CHRM3: variants seen among roughly 807,000 people sequenced by gnomAD.
CHRM3 encodes the protein muscarinic acetylcholine receptor M3.
A neutral mutation model predicts 41.8 loss-of-function variants in CHRM3; 11 were observed. The observed-to-expected ratio is 0.26, with a 90% confidence interval of 0.17 to 0.44. The LOEUF is 0.44. Ranked by LOEUF, CHRM3 falls within the 20% of genes least tolerant of loss-of-function variation. The pLI, the probability that CHRM3 is intolerant of heterozygous loss-of-function variation, is 1.00. For synonymous variants in CHRM3, 297 were observed against 301.4 expected (o/e 0.99, Z 0.15); for missense variants, 571 against 745.4 (o/e 0.77, Z 2.72).
intron 5 of CHRM3, among the ~76,000 whole-genome samples, chr1:239,680,054 A>G (rs1215843220): frequency 6.6e-6 from 1 of 152,058 alleles, no homozygotes; most frequent in Non-Finnish European, 1.5e-5. Context: ...CTGCCCTAAT[A>G]CCTTCCCTTC....
chr1:239,684,882 G>A (rs962061494), intron 5 of CHRM3, among the ~76,000 whole-genome samples: 1 of 152,086 alleles, frequency 6.6e-6, no homozygotes. Flanking sequence ...GGAGATTGGA[G>A]GGGAAAAGAT....
chr1:239,829,032 A>G (rs2149089232), intron 6 of CHRM3, among the ~76,000 whole-genome samples: 1 of 152,306 alleles, frequency 6.6e-6, no homozygotes, highest in East Asian at 1.9e-4. Flanking sequence ...GTGTGCAGAC[A>G]CTTGCTTTCT....
chr1:239,531,408 G>A (rs1309434614), intron 2 of CHRM3, among the ~76,000 whole-genome samples: 1 of 151,850 alleles, frequency 6.6e-6, no homozygotes, highest in East Asian at 1.9e-4. Context: ...ATCAGAATTA[G>A]AAACTTTTAA....
chr1:239,756,399 G>A (rs1666246674), intron 5 of CHRM3, among the ~76,000 whole-genome samples: 1 of 152,130 alleles, frequency 6.6e-6, no homozygotes, highest in Non-Finnish European at 1.5e-5. Flanking sequence ...TTGCATAACA[G>A]ATCATTATCT....
intron 5 of CHRM3, among the ~76,000 whole-genome samples, chr1:239,774,880 T>A (rs537892425): frequency 6.6e-6 from 1 of 152,286 alleles, no homozygotes; most frequent in African/African-American, 2.4e-5. Flanking sequence ...GGGAAAAATT[T>A]GAGGGAAGGG....
chr1:239,814,460 A>T (rs1011194430), intron 5 of CHRM3, among the ~76,000 whole-genome samples: 3 of 152,190 alleles, frequency 2.0e-5, no homozygotes. Context: ...AGAGATGTCC[A>T]GAGCTCCCTC....
chr1:239,511,769 A>G (rs1668939185), intron 2 of CHRM3, among the ~76,000 whole-genome samples: 1 of 152,218 alleles, frequency 6.6e-6, no homozygotes, highest in Non-Finnish European at 1.5e-5. Flanking sequence ...TAGAAAGGAA[A>G]CATGTTTCAC....
At chr1:239,431,397 T>C (rs959833113) in intron 1 of CHRM3, among the ~76,000 whole-genome samples, 8 of 152,218 alleles carry the variant, frequency 5.3e-5, no homozygotes, top group African/African-American at 1.9e-4. Flanking sequence ...AGGATATAAC[T>C]ACACAAGGCA....
intron 3 of CHRM3, among the ~76,000 whole-genome samples, chr1:239,570,503 T>A (rs1262656929): frequency 6.6e-6 from 1 of 152,200 alleles, no homozygotes; most frequent in Non-Finnish European, 1.5e-5. Context: ...ATGGAAAATC[T>A]CTTTCTGTTA....
intron 3 of CHRM3, among the ~76,000 whole-genome samples, chr1:239,584,063 T>C (rs934910619): frequency 4.6e-5 from 7 of 151,884 alleles, no homozygotes; most frequent in Admixed American, 4.6e-4. Flanking sequence ...CAGAACATGG[T>C]TGTATTTTTC....
intron 3 of CHRM3, among the ~76,000 whole-genome samples, chr1:239,623,539 G>C (rs1668673302): frequency 9.1e-6 from 1 of 109,996 alleles, no homozygotes; most frequent in Non-Finnish European, 1.8e-5. Context: ...GGGTACATGT[G>C]CACATTGTGC....
At chr1:239,493,558 A>G (rs930256546) in intron 2 of CHRM3, among the ~76,000 whole-genome samples, 1 of 152,212 alleles carries the variant, frequency 6.6e-6, no homozygotes, top group Non-Finnish European at 1.5e-5. Flanking sequence ...GTATTAAAAT[A>G]TATTGCATAG....
chr1:239,456,283 T>A (rs1553304841), intron 1 of CHRM3, among the ~76,000 whole-genome samples: 1 of 152,234 alleles, frequency 6.6e-6, no homozygotes, highest in South Asian at 2.1e-4. Context: ...CTTCCAATCC[T>A]GCAAGCTGCG....
chr1:239,907,796 G>C lies in CHRM3; in HGVS notation c.345G>C (p.Leu115=), dbSNP rs867335017. 1 of 1,614,098 alleles carries C rather than the reference G, an allele frequency of 6.2e-7. No individual in the cohort carries two copies. The highest frequency in any genetic ancestry group is 1.3e-5 in the African/African-American group (1 of 74,924). ...YFLLSLACAD[L]IIGVISMNLF... ...TCTTAAGCCTGGCCTGTGCCGATCTGATTATCGGGGTCATTTCAATGAATC... is the reference window on the plus strand; with the variant it reads ...TCTTAAGCCTGGCCTGTGCCGATCTCATTATCGGGGTCATTTCAATGAATC... Residue 115 remains leucine (L), a synonymous_variant, in exon 7 of 7, where the codon CTG becomes CTC. Transcript: ENST00000676153. This position sits in a 1 kb window ranked among gnomAD's most constrained non-coding sequence, Gnocchi z 5.4.
chr1:239,425,243 T>C (rs1662275546), intron 1 of CHRM3, among the ~76,000 whole-genome samples: 1 of 152,186 alleles, frequency 6.6e-6, no homozygotes, highest in Non-Finnish European at 1.5e-5. Context: ...CCTATGCTCA[T>C]TGACATCTCT....
At chr1:239,563,210 A>ACC (rs1661046970) in intron 3 of CHRM3, among the ~76,000 whole-genome samples, 3 of 150,680 alleles carry the variant, frequency 2.0e-5, no homozygotes, top group Admixed American at 2.0e-4. Context: ...GAAAGAGACC[A>ACC]AGAGATACAT....
chr1:239,684,789 G>GAAAGAA (rs1558452384), intron 5 of CHRM3, among the ~76,000 whole-genome samples: 1 of 68,646 alleles, frequency 1.5e-5, no homozygotes, highest in Admixed American at 1.5e-4. Flanking sequence ...AAAGAAAAGA[G>GAAAGAA]AAGAGAAGGA....
chr1:239,661,283 G>T (rs187124772), intron 4 of CHRM3, among the ~76,000 whole-genome samples: 5 of 152,336 alleles, frequency 3.3e-5, no homozygotes, highest in Admixed American at 2.0e-4. Flanking sequence ...CTAAGGTAGA[G>T]ACCAAGCTGT....
intron 1 of CHRM3, among the ~76,000 whole-genome samples, chr1:239,413,382 C>A (rs951990059): frequency 5.3e-5 from 8 of 152,074 alleles, no homozygotes; most frequent in Non-Finnish European, 1.2e-4. Flanking sequence ...CTCTGCCTCC[C>A]GGATTCATGA....
Sources: allele counts gnomAD v4.1 joint callset (sites outside exome capture counted in the v4.1 genomes callset), GRCh38; gene constraint gnomAD v4.1.1; non-coding constraint Gnocchi (gnomAD v3.1); transcripts MANE v1.5; gene names NCBI Gene and HGNC (gene_info 2026-07-23, HGNC 2026-07-21).